Variants in MCPH1 observed in about 807,000 individuals in gnomAD.
MCPH1 encodes microcephalin.
Under a neutral mutation model 84.5 loss-of-function variants are expected in MCPH1, and 104 were observed. The ratio of observed to expected loss-of-function variants is 1.23; its 90% CI spans 1.05 to 1.45. MCPH1 has a LOEUF of 1.45. MCPH1 is among the 40% of genes most tolerant of loss of function. MCPH1 has a pLI of 0.00. For missense variants in MCPH1, 1,498 were observed against 1,005.7 expected, an observed-to-expected ratio of 1.49 and a Z score of -6.62; for synonymous variants, 514 against 366.8, an observed-to-expected ratio of 1.40 and a Z score of -4.58.
chr8:6,446,664 T>G (rs2916749), intron 8 of MCPH1: 148,323 of 983,946 alleles, frequency 0.15, 11,289 homozygotes, highest in Middle Eastern at 0.23. Context: ...GTAAAATTCT[T>G]TGGTAGTTAA....
chr8:6,520,174 A>G (rs1480218558), intron 12 of MCPH1, among the ~76,000 whole-genome samples: 1 of 152,202 alleles, frequency 6.6e-6, no homozygotes, highest in Non-Finnish European at 1.5e-5. Flanking sequence ...CTTAATTCTC[A>G]AAAGATTAAT....
Position 6,606,868 on chromosome 8 carries a change from G to T in MCPH1, c.2215-14586G>T, listed in dbSNP as rs59515526. Among the ~76,000 whole-genome samples the T allele has an allele frequency of 1.8e-4, 27 of 152,282 alleles. No individual in the cohort carries two copies. The East Asian group carries it at 2.9e-3, about 16-fold the overall frequency. On this transcript the variant is annotated intron_variant, in intron 12 of 13. Transcript: ENST00000344683. Reference sequence around the variant, plus strand: ...CATAAGGGGGAGTTTCCCTGCACAAGCTCTCTTCTCTTGTTTGCCACCATG... The same window carrying T: ...CATAAGGGGGAGTTTCCCTGCACAATCTCTCTTCTCTTGTTTGCCACCATG...
Position 6,469,426 on chromosome 8 carries a change from C to G in MCPH1, c.1936-8168C>G, listed in dbSNP as rs539911907. On this transcript the variant is annotated intron_variant, in intron 9 of 13. Coordinates refer to ENST00000344683, the MANE Select transcript of MCPH1 (RefSeq NM_024596.5). Reference sequence around the variant, plus strand: ...GCCAGGGATCTAGGTCATATAATATCCTCAGGATGGGATTTGAAGACATTT... The same window carrying G: ...GCCAGGGATCTAGGTCATATAATATGCTCAGGATGGGATTTGAAGACATTT... 2.0e-5 allele frequency among the ~76,000 whole-genome samples: 3 copies of G among 152,222 alleles called. No individual in the cohort carries two copies. The East Asian group carries it at 5.8e-4, about 29-fold the overall frequency.
chr8:6,482,939 G>T lies in MCPH1; in HGVS notation c.2136+2063G>T, dbSNP rs796649139. On this transcript the variant is annotated intron_variant, in intron 11 of 13. Coordinates refer to ENST00000344683, the MANE Select transcript of MCPH1 (RefSeq NM_024596.5). ...GGTACAAGGCAATCAGACAAGAAAAGATAATAAAAGGCATGTAGGTTAGAA... is the reference window on the plus strand; with the variant it reads ...GGTACAAGGCAATCAGACAAGAAAATATAATAAAAGGCATGTAGGTTAGAA... 2.0e-4 allele frequency among the ~76,000 whole-genome samples: 31 copies of T among 152,290 alleles called. 1 individual carries two copies. The highest frequency in any genetic ancestry group is 7.5e-4 in the African/African-American group (31 of 41,570).
chr8:6,439,161 C>A (rs898003488), intron 6 of MCPH1, 65 bp downstream of exon 6: 21 of 1,479,262 alleles, frequency 1.4e-5, no homozygotes, highest in Non-Finnish European at 1.7e-5. Context: ...TGGAAAGCTT[C>A]TTTTTTCTTT....
chr8:6,470,481 C>T (rs1807577673), intron 9 of MCPH1, among the ~76,000 whole-genome samples: 1 of 152,150 alleles, frequency 6.6e-6, no homozygotes, highest in Non-Finnish European at 1.5e-5. Context: ...GATAGGGTTT[C>T]ACCATGTTGG....
intron 3 of MCPH1, among the ~76,000 whole-genome samples, chr8:6,429,646 C>G (rs1801550456): frequency 6.6e-6 from 1 of 151,786 alleles, no homozygotes. Context: ...TTTTGGGGGT[C>G]AAGAGAAAAG....
chr8:6,625,974 A>C, intron 13 of MCPH1: 1 of 984,882 alleles, frequency 1.0e-6, no homozygotes, highest in Middle Eastern at 5.2e-4. Flanking sequence ...TGGCCAGAGG[A>C]GGGAAAGGAA....
chr8:6,605,072 C>G (rs1158934865), intron 12 of MCPH1, among the ~76,000 whole-genome samples: 1 of 152,148 alleles, frequency 6.6e-6, no homozygotes, highest in Non-Finnish European at 1.5e-5. Flanking sequence ...TCCTTGTCGC[C>G]TGACCTCTCC....
chr8:6,433,609 G>C (rs1317404512), intron 4 of MCPH1, among the ~76,000 whole-genome samples: 1 of 139,876 alleles, frequency 7.1e-6, no homozygotes, highest in East Asian at 2.0e-4. Flanking sequence ...CTCCAGCCTG[G>C]GCGACAGCAA....
At chr8:6,601,751 CCA>C (rs10531047) in intron 12 of MCPH1, among the ~76,000 whole-genome samples, 135,187 of 144,252 alleles carry the variant, frequency 0.94, 64,063 homozygotes, top group Non-Finnish European at 1. Flanking sequence ...TATACCCACA[CCA>C]CACACACACA....
chr8:6,456,486 C>T (rs1308248760), intron 9 of MCPH1, among the ~76,000 whole-genome samples: 1 of 152,178 alleles, frequency 6.6e-6, no homozygotes, highest in East Asian at 1.9e-4. Flanking sequence ...GAACCAGTTT[C>T]CTTTGCATCT....
intron 12 of MCPH1, among the ~76,000 whole-genome samples, chr8:6,608,162 G>C (rs1218667034): frequency 6.6e-6 from 1 of 152,162 alleles, no homozygotes; most frequent in African/African-American, 2.4e-5. Flanking sequence ...ACGTGCGAGG[G>C]TGGGAGAGGT....
intron 11 of MCPH1, among the ~76,000 whole-genome samples, chr8:6,484,669 T>G (rs1809642140): frequency 6.6e-6 from 1 of 152,220 alleles, no homozygotes; most frequent in Non-Finnish European, 1.5e-5. Context: ...CCAACCATAC[T>G]GTGGAGTGTC....
Position 6,519,912 on chromosome 8 carries a change from C to T in MCPH1, c.2214+19983C>T, listed in dbSNP as rs1961222. 488,521 of 1,612,220 alleles carry T rather than the reference C, an allele frequency of 0.3. 79,564 individuals are homozygous for T. The highest frequency in any genetic ancestry group is 0.36 in the Middle Eastern group (2,192 of 6,058). On this transcript the variant is annotated intron_variant, in intron 12 of 13. Transcript: ENST00000344683. ...GGAATGTTAACGTGTAGATGCCATT[C>T]GTGGTGTGTCCTGATTTGAATACTT...
chr8:6,434,237 C>A (rs2916758), intron 4 of MCPH1, among the ~76,000 whole-genome samples: 2,201 of 152,306 alleles, frequency 0.014, 56 homozygotes, highest in African/African-American at 0.05. Context: ...ATGTGTCCAA[C>A]CTGCACCGTA....
At chr8:6,406,955 C>G (rs1041374623) in intron 1 of MCPH1, 1 of 539,804 alleles carries the variant, frequency 1.9e-6, no homozygotes. Context: ...CCCCAAACCC[C>G]CGACTGCCTG....
chr8:6,486,444 G>C (rs1407682506), intron 11 of MCPH1, among the ~76,000 whole-genome samples: 4 of 152,158 alleles, frequency 2.6e-5, no homozygotes, highest in Non-Finnish European at 5.9e-5. Flanking sequence ...TTCAGGGTTT[G>C]TGTGGTATTC....
intron 12 of MCPH1, among the ~76,000 whole-genome samples, chr8:6,569,175 C>T (rs192910381): frequency 1.9e-3 from 294 of 152,218 alleles, no homozygotes; most frequent in Middle Eastern, 6.8e-3. Flanking sequence ...CCCCACAAAT[C>T]GTATGCAATA....
Sources: allele counts gnomAD v4.1 joint callset (sites outside exome capture counted in the v4.1 genomes callset), GRCh38; gene constraint gnomAD v4.1.1; transcripts MANE v1.5; gene names NCBI Gene and HGNC (gene_info 2026-07-23, HGNC 2026-07-21).